The following STRN4 variants were observed in gnomAD, a reference collection of about 807,000 sequenced individuals.
STRN4 encodes the protein striatin 4.
A neutral mutation model predicts 77.9 loss-of-function variants in STRN4; 27 were observed. The ratio of observed to expected loss-of-function variants is 0.35; its 90% confidence interval spans 0.26 to 0.48. STRN4 has a LOEUF of 0.48. STRN4 is among the 20% of genes least tolerant of loss of function. The pLI is 0.99. For synonymous variants in STRN4, 466 were observed against 443.1 expected (o/e 1.05, Z -0.65); for missense variants, 798 against 1,049.7 (o/e 0.76, Z 3.31).
intron 1 of STRN4, chr19:46,745,794 G>C (rs747528256): frequency 3.1e-5 from 6 of 192,594 alleles, no homozygotes; most frequent in African/African-American, 4.7e-5. Flanking sequence ...TCCAGGGCTC[G>C]AGTCGCCTCT....
At chr19:46,720,484 A>G (rs1466705100) in intron 17 of STRN4, 52 bp downstream of exon 17, 4 of 1,204,054 alleles carry the variant, frequency 3.3e-6, no homozygotes, top group African/African-American at 1.6e-5. Context: ...CACACCTGGC[A>G]GTACTAGGCA....
Position 46,722,904 on chromosome 19 carries a change from G to A in STRN4, c.1812C>T (p.Ala604=). ...TSVAFTSTEP[A]HIVASFRSGD... ...CAGAGCGGAAGGAGGCCACGATGTG[G>A]GCAGGCTCGGTGCTGGTGAAGGCCA... The change falls in exon 14 of 18, where the codon GCC becomes GCT. Residue 604 remains alanine, a synonymous_variant. Coordinates refer to ENST00000263280, the MANE Select transcript of STRN4 (RefSeq NM_013403.3). 6.2e-7 allele frequency: 1 copy of A among 1,614,002 alleles called. No homozygotes were observed. Among genetic ancestry groups the A allele is most frequent in the Non-Finnish European group, 8.5e-7 (1 of 1,180,032 alleles).
At chr19:46,736,488 A>G (rs2054364686) in intron 4 of STRN4, 1 of 256,630 alleles carries the variant, frequency 3.9e-6, no homozygotes, top group East Asian at 6.7e-5. Context: ...TGCTTCATAA[A>G]TCTTCACAAG....
intron 9 of STRN4, among the ~76,000 whole-genome samples, chr19:46,727,071 C>A (rs442884): frequency 5.3e-5 from 8 of 151,756 alleles, no homozygotes; most frequent in South Asian, 4.1e-4. Flanking sequence ...AGGCTCCCAG[C>A]TGGCCAAAGG....
Position 46,722,835 on chromosome 19 carries a change from G to A in STRN4, c.1881C>T (p.Leu627=). Residue 627 remains leucine, a synonymous_variant, in exon 14 of 18, where the codon CTC becomes CTT. Transcript: ENST00000263280. ...CGCTGCTGCCCCGGGACTCCAGCGT[G>A]AGGAGGGCACTGCCAACCTCCATGT... ...LYDMEVGSAL[L]TLESRGSSGP... is the part of the protein sequence containing the mutation. The A allele has an allele frequency of 6.2e-7, 1 of 1,613,924 alleles. No individual in the cohort carries two copies. The highest frequency in any genetic ancestry group is 8.5e-7 in the Non-Finnish European group (1 of 1,180,036).
At position 46,728,602 on chromosome 19, in the gene STRN4, G is replaced by A; in HGVS notation, c.1039+16C>T. 6.2e-7 allele frequency: 1 copy of A among 1,608,156 alleles called. No individual in the cohort carries two copies. Among genetic ancestry groups the A allele is most frequent in the Non-Finnish European group, 8.5e-7 (1 of 1,176,764 alleles). On this transcript the variant is annotated intron_variant, in intron 7 of 17. Transcript: ENST00000263280. Reference sequence around the variant, plus strand: ...GGGGAAGGCAAGCGGGGGCTGGCCAGAAAACGTCAGCTCACCCAGCTCATG... The same window carrying A: ...GGGGAAGGCAAGCGGGGGCTGGCCAAAAAACGTCAGCTCACCCAGCTCATG...
Position 46,746,253 on chromosome 19 carries a change from G to T in STRN4, c.178C>A (p.Pro60Thr). 1 of 1,493,694 alleles carries T rather than the reference G, an allele frequency of 6.7e-7. No homozygotes were observed. 92.5% of individuals were successfully genotyped at this position (1,493,694 alleles called of 1,614,324 possible). A position where few individuals can be genotyped will look rare whatever the true frequency, so the allele number is the denominator to read the frequency against. The change falls in exon 1 of 18, where the codon CCG becomes ACG. Residue 60 changes from proline to threonine, a missense_variant. Physicochemically the swap from Pro to Thr is conservative, Grantham distance 38. Around this residue, in one of 2 missense-constraint regions of STRN4, gnomAD observed 511 missense variants for 575.9 expected, o/e 0.89. Coordinates refer to ENST00000263280, the MANE Select transcript of STRN4 (RefSeq NM_013403.3). ...ATCCCCGGCAGGCTCAGGGGCTCCG[G>T]GCCCGCCGTGGGCCCGGGGCTGCCT... The part of the protein sequence containing the change: ...GGGSPGPTAG[P>T]EPLSLPGILH...
Position 46,723,952 on chromosome 19 carries a change from G to C in STRN4, c.1595-668C>G, listed in dbSNP as rs1230996760. 6.6e-6 allele frequency among the ~76,000 whole-genome samples: 1 copy of C among 152,180 alleles called. No individual in the cohort carries two copies. Among genetic ancestry groups the C allele is most frequent in the Non-Finnish European group, 1.5e-5 (1 of 68,042 alleles). The stretch of plus-strand genomic sequence containing the variant: ...AGGTGGAGCACAGGGCCAGGTGCAT[G>C]ATCAAGGAGGCAGAGCCGGGCGCAG... On this transcript the variant is annotated intron_variant, in intron 12 of 17. Coordinates refer to ENST00000263280, the MANE Select transcript of STRN4 (RefSeq NM_013403.3). This position sits in a 1 kb window ranked among gnomAD's most constrained non-coding sequence, Gnocchi z 5.5.
In STRN4 at chr19:46,728,260, T is replaced by A. The variant is rs2054168175; in HGVS notation, c.1040-253A>T. ...CACGTATCCTGAGAGCCCTCCTAGC[T>A]AGGAGTCACAGGACAGGGAGGAAGA... On this transcript the variant is annotated intron_variant, in intron 7 of 17. Coordinates refer to ENST00000263280, the MANE Select transcript of STRN4 (RefSeq NM_013403.3). 6.5e-6 allele frequency: 4 copies of A among 617,702 alleles called. No homozygotes were observed. The South Asian group carries it at 7.3e-5, about 11-fold the overall frequency. 38.3% of individuals were successfully genotyped at this position (617,702 alleles called of 1,614,324 possible).
At chr19:46,746,122 G>A (rs2054596733) in intron 1 of STRN4, 27 bp downstream of exon 1, 6 of 1,477,330 alleles carry the variant, frequency 4.1e-6, no homozygotes, top group African/African-American at 2.9e-5. Context: ...CCGGGTTGGG[G>A]GTCGGGGGTC....
Position 46,725,264 on chromosome 19 carries a change from A to C in STRN4, c.1472+68T>G, listed in dbSNP as rs2291815. ...CCTGCCGTGGGCCTCCCGCGATGGC[A>C]GTGAGCAGGTCAGGAGTCAGGCTGC... On this transcript the variant is annotated intron_variant, in intron 11 of 17. Coordinates refer to ENST00000263280, the MANE Select transcript of STRN4 (RefSeq NM_013403.3). The C allele has an allele frequency of 3.7e-6, 6 of 1,608,430 alleles. No homozygotes were observed. In the East Asian group the frequency reaches 8.9e-5, roughly 24 times the overall value.
rs754569947 is a variant in STRN4 at position 46,733,583 on chromosome 19, CCACGGTAAA to C, written c.540-356_540-348del. On this transcript the variant is annotated intron_variant, in intron 4 of 17. Transcript: ENST00000263280. This position sits in a 1 kb window ranked among gnomAD's most constrained non-coding sequence, Gnocchi z 4.3. ...AGGGCAGAGCCTTAAGGGAAGCTGG[CCACGGTAAA>C]CAGCAGAACGAAAACGCTAAGTTCT... 1.3e-4 allele frequency: 31 copies of C among 246,170 alleles called. No individual in the cohort carries two copies. The highest frequency in any genetic ancestry group is 2.1e-4 in the Non-Finnish European group (26 of 125,150). The allele number at this position is 246,170 out of a possible 1,614,324, so 15.2% of individuals were successfully genotyped here. A position where few individuals can be genotyped will look rare whatever the true frequency, so the allele number is the denominator to read the frequency against.
At chr19:46,724,204 C>T (rs1046777118) in intron 12 of STRN4, among the ~76,000 whole-genome samples, 1 of 142,384 alleles carries the variant, frequency 7.0e-6, no homozygotes, top group Non-Finnish European at 1.5e-5. Flanking sequence ...GCCAAGATCA[C>T]GCCACTGCAT....
chr19:46,746,379 G>A lies in STRN4; in HGVS notation c.52C>T (p.Arg18Cys), dbSNP rs1204629776. The A allele has an allele frequency of 9.4e-5, 106 of 1,127,546 alleles. No individual in the cohort carries two copies. The highest frequency in any genetic ancestry group is 1.1e-4 in the Non-Finnish European group (99 of 922,836). The allele number at this position is 1,127,546 out of a possible 1,614,324, so 69.8% of individuals were successfully genotyped here. The change falls in exon 1 of 18, where the codon CGT becomes TGT. Residue 18 changes from arginine to cysteine, a missense_variant. Arg to Cys is a radical substitution (Grantham distance 180). This residue lies in a region of STRN4 where 511 missense variants were observed against 575.9 expected (regional missense o/e 0.89). Coordinates refer to ENST00000263280, the MANE Select transcript of STRN4 (RefSeq NM_013403.3). ...AAVAAAASSC[R>C]PLGSGAGPGP... ...GGGCCCGCGCCTGAGCCGAGCGGAC[G>A]GCAGGAGGAGGCGGCGGCGGCGACC... is the stretch of plus-strand genomic sequence containing the variant.
intron 14 of STRN4, 53 bp downstream of exon 14, chr19:46,722,757 G>A: frequency 1.2e-6 from 2 of 1,601,406 alleles, no homozygotes; most frequent in Admixed American, 3.3e-5. Context: ...AGGAGGAAGT[G>A]GGGCCCAGAA....
chr19:46,738,732 ACT>A lies in STRN4; in HGVS notation c.386+51_386+52del. 6.3e-7 allele frequency: 1 copy of A among 1,581,308 alleles called. No homozygotes were observed. The highest frequency in any genetic ancestry group is 1.3e-5 in the African/African-American group (1 of 74,312). On this transcript the variant is annotated intron_variant, in intron 2 of 17. Coordinates refer to ENST00000263280, the MANE Select transcript of STRN4 (RefSeq NM_013403.3). The surrounding 1 kb of genome is among the most constrained non-coding windows in gnomAD (Gnocchi z 4.5). ...GAGGCGTGGCTGGTGGCCTCCTGACACTGTGCTTGAGACGGACCCAGAAGGCA... is the reference window on the plus strand; with the variant it reads ...GAGGCGTGGCTGGTGGCCTCCTGACAGTGCTTGAGACGGACCCAGAAGGCA...
chr19:46,726,552 G>C (rs575293263), intron 9 of STRN4, among the ~76,000 whole-genome samples: 78 of 152,178 alleles, frequency 5.1e-4, no homozygotes, highest in Non-Finnish European at 1.1e-3. Context: ...GGGAGATGAG[G>C]GCATGGAGAC....
rs2122319146 is a variant in STRN4 at position 46,733,289 on chromosome 19, AC to A, written c.540-54del. On this transcript the variant is annotated intron_variant, in intron 4 of 17. Coordinates refer to ENST00000263280, the MANE Select transcript of STRN4 (RefSeq NM_013403.3). This position sits in a 1 kb window ranked among gnomAD's most constrained non-coding sequence, Gnocchi z 4.3. ...AGACATCCCCTGGGCTTCTTCATGT[AC>A]CACAGGGGCCAATGCAAACCGAGAC... 2 of 1,564,422 alleles carry A rather than the reference AC, an allele frequency of 1.3e-6. No individual in the cohort carries two copies. Among genetic ancestry groups the A allele is most frequent in the Non-Finnish European group, 1.7e-6 (2 of 1,153,996 alleles).
chr19:46,730,782 CGCTGTCTTCGTCCTCGCA>C lies in STRN4; in HGVS notation c.811_828del (p.Cys271_Ser276del). Reference sequence around the variant, plus strand: ...ACGCTGTCCAGCTCATCGTCCTCGTCGCTGTCTTCGTCCTCGCAGTTCTGCAGGAAGGGGATCTGCCCC... The same window carrying C: ...ACGCTGTCCAGCTCATCGTCCTCGTCGTTCTGCAGGAAGGGGATCTGCCCC... On this transcript the variant is annotated inframe_deletion, in exon 6 of 18. Transcript: ENST00000263280. 6.2e-7 allele frequency: 1 copy of C among 1,613,026 alleles called. No individual in the cohort carries two copies. Among genetic ancestry groups the C allele is most frequent in the Non-Finnish European group, 8.5e-7 (1 of 1,180,022 alleles).
Sources: allele counts gnomAD v4.1 joint callset (sites outside exome capture counted in the v4.1 genomes callset), GRCh38; gene constraint gnomAD v4.1.1; regional missense constraint gnomAD v4.1.1; non-coding constraint Gnocchi (gnomAD v3.1); transcripts MANE v1.5; gene names NCBI Gene and HGNC (gene_info 2026-07-23, HGNC 2026-07-21).